The following RIMS2 variants were observed in gnomAD, a reference collection of about 807,000 sequenced individuals.
RIMS2 encodes regulating synaptic membrane exocytosis protein 2.
In RIMS2, 59 loss-of-function variants were observed where a neutral mutation model predicts 174.4. The ratio of observed to expected loss-of-function variants is 0.34; its 90% CI spans 0.27 to 0.42. The LOEUF is 0.42. RIMS2 is among the 10% of genes least tolerant of loss of function. RIMS2 has a pLI of 1.00. For missense variants in RIMS2, 1,620 were observed against 1,666.3 expected, an observed-to-expected ratio of 0.97 and a Z score of 0.48; for synonymous variants, 606 against 572.5, an observed-to-expected ratio of 1.06 and a Z score of -0.84.
At chr8:104,233,368 T>C (rs2099241733) in intron 19 of RIMS2, among the ~76,000 whole-genome samples, 1 of 152,148 alleles carries the variant, frequency 6.6e-6, no homozygotes, top group Admixed American at 6.5e-5. Context: ...GTTATCTGAC[T>C]CTGTTAAATC....
At chr8:103,851,736 C>A (rs1366995124) in intron 3 of RIMS2, among the ~76,000 whole-genome samples, 2 of 150,760 alleles carry the variant, frequency 1.3e-5, no homozygotes, top group Admixed American at 1.3e-4. Flanking sequence ...CACTTTTGGA[C>A]TGAAATAAAT....
intron 19 of RIMS2, among the ~76,000 whole-genome samples, chr8:104,023,038 A>G (rs2096146697): frequency 6.6e-6 from 1 of 152,180 alleles, no homozygotes; most frequent in Non-Finnish European, 1.5e-5. Context: ...TTCTGAGAGA[A>G]TGGCTTTTTA....
Position 104,189,604 on chromosome 8 carries a change from GTAAATATATATATATTTCAAATATAT to G in RIMS2, c.3335-55311_3335-55286del. On this transcript the variant is annotated intron_variant, in intron 19 of 23. Transcript: ENST00000504942. ...ACATTATATATATATATATATTTATGTAAATATATATATATTTCAAATATATGTATACAATTCTAAATATATATTCC... is the reference window on the plus strand; with the variant it reads ...ACATTATATATATATATATATTTATGGTATACAATTCTAAATATATATTCC... Among the ~76,000 whole-genome samples, 5 of 145,864 alleles carry G rather than the reference GTAAATATATATATATTTCAAATATAT, an allele frequency of 3.4e-5. No individual in the cohort carries two copies. The South Asian group carries it at 8.6e-4, about 25-fold the overall frequency.
intron 4 of RIMS2, among the ~76,000 whole-genome samples, chr8:103,897,937 C>T (rs947225818): frequency 6.6e-6 from 1 of 151,642 alleles, no homozygotes; most frequent in Admixed American, 6.6e-5. Flanking sequence ...CTTCTGTATT[C>T]TTGGCAATTG....
chr8:104,063,317 A>G (rs1566120064), intron 19 of RIMS2, among the ~76,000 whole-genome samples: 1 of 152,146 alleles, frequency 6.6e-6, no homozygotes, highest in South Asian at 2.1e-4. Context: ...ATAAACAATA[A>G]AAATTGTTTT....
chr8:104,192,052 A>G (rs1374580130), intron 19 of RIMS2, among the ~76,000 whole-genome samples: 1 of 152,214 alleles, frequency 6.6e-6, no homozygotes, highest in Non-Finnish European at 1.5e-5. Context: ...CAAAAAATGT[A>G]TGGTTTTACT....
At chr8:104,048,424 G>GA (rs1302944742) in intron 19 of RIMS2, among the ~76,000 whole-genome samples, 2 of 152,014 alleles carry the variant, frequency 1.3e-5, no homozygotes, top group Non-Finnish European at 2.9e-5. Flanking sequence ...TATGTGGAGA[G>GA]AAAAAATTAT....
chr8:103,592,613 T>C (rs1283709449), intron 1 of RIMS2, among the ~76,000 whole-genome samples: 1 of 151,400 alleles, frequency 6.6e-6, no homozygotes, highest in East Asian at 1.9e-4. Flanking sequence ...CCAAGACCAT[T>C]TCAGGATATA....
chr8:104,149,267 A>G (rs1230878312), intron 19 of RIMS2, among the ~76,000 whole-genome samples: 1 of 152,216 alleles, frequency 6.6e-6, no homozygotes, highest in Non-Finnish European at 1.5e-5. Flanking sequence ...TGAATAATAC[A>G]GTTCTTGTTT....
intron 1 of RIMS2, among the ~76,000 whole-genome samples, chr8:103,669,450 C>G (rs989785241): frequency 6.6e-6 from 1 of 152,186 alleles, no homozygotes; most frequent in African/African-American, 2.4e-5. Context: ...AAAGTCTTAA[C>G]TCATTTCACC....
chr8:103,799,182 A>C (rs1316976720), intron 3 of RIMS2, among the ~76,000 whole-genome samples: 1 of 152,174 alleles, frequency 6.6e-6, no homozygotes, highest in East Asian at 1.9e-4. Flanking sequence ...ACCTCCAAAA[A>C]GAGACTCAGC....
At chr8:104,124,694 T>A in intron 19 of RIMS2, among the ~76,000 whole-genome samples, 1 of 152,182 alleles carries the variant, frequency 6.6e-6, no homozygotes, top group Non-Finnish European at 1.5e-5. Context: ...GCTCTTCCAA[T>A]TGGACCATAT....
Position 104,036,362 on chromosome 8 carries a change from A to G in RIMS2, c.3334+21747A>G, listed in dbSNP as rs563540926. ...GAGACAGGGTTTCACCATGTTAGCCAGGATGGTCTCTATCTCCTGACCTCG... is the reference window on the plus strand; with the variant it reads ...GAGACAGGGTTTCACCATGTTAGCCGGGATGGTCTCTATCTCCTGACCTCG... On this transcript the variant is annotated intron_variant, in intron 19 of 23. Coordinates refer to ENST00000504942, the Ensembl canonical transcript of RIMS2. Among the ~76,000 whole-genome samples, 156 of 151,436 alleles carry G rather than the reference A, an allele frequency of 1.0e-3. 2 individuals carry two copies. The highest frequency in any genetic ancestry group is 3.5e-3 in the African/African-American group (145 of 41,384).
chr8:103,502,295 G>A (rs1346104435), intron 1 of RIMS2, among the ~76,000 whole-genome samples: 1 of 152,082 alleles, frequency 6.6e-6, no homozygotes, highest in Non-Finnish European at 1.5e-5. Flanking sequence ...TAAAGAAACA[G>A]GTTTCATTGT....
At chr8:103,868,911 A>T (rs915777789) in intron 3 of RIMS2, among the ~76,000 whole-genome samples, 1 of 152,156 alleles carries the variant, frequency 6.6e-6, no homozygotes. Context: ...TTAATTTGGC[A>T]TATATGTTAA....
At chr8:103,968,279 A>C (rs1006806451) in intron 15 of RIMS2, among the ~76,000 whole-genome samples, 5 of 152,132 alleles carry the variant, frequency 3.3e-5, no homozygotes, top group Non-Finnish European at 7.4e-5. Context: ...TCATTTTTTT[A>C]ATCGAATCTG....
At chr8:103,642,327 G>T (rs1400906887) in intron 1 of RIMS2, among the ~76,000 whole-genome samples, 1 of 151,958 alleles carries the variant, frequency 6.6e-6, no homozygotes, top group Non-Finnish European at 1.5e-5. Flanking sequence ...TGTAAACCTG[G>T]TAACAGATTA....
intron 1 of RIMS2, among the ~76,000 whole-genome samples, chr8:103,672,567 G>C (rs1386967351): frequency 6.6e-6 from 1 of 151,734 alleles, no homozygotes; most frequent in Non-Finnish European, 1.5e-5. Context: ...GGATGGTGGG[G>C]AGAGGTGCCA....
intron 3 of RIMS2, among the ~76,000 whole-genome samples, chr8:103,828,871 G>A (rs911361136): frequency 6.6e-6 from 1 of 152,068 alleles, no homozygotes; most frequent in African/African-American, 2.4e-5. Flanking sequence ...AGATCAGATG[G>A]TTGTAGTTGT....
Sources: allele counts gnomAD v4.1 joint callset (sites outside exome capture counted in the v4.1 genomes callset), GRCh38; gene constraint gnomAD v4.1.1; transcripts MANE v1.5; gene names NCBI Gene and HGNC (gene_info 2026-07-23, HGNC 2026-07-21).